Variants in ALMS1 observed in about 807,000 individuals in gnomAD.
The protein encoded by ALMS1 is ALMS1 centrosome and basal body associated protein, also known as centrosome-associated protein ALMS1.
A neutral mutation model predicts 352.2 loss-of-function variants in ALMS1; 271 were observed. The ratio of observed to expected loss-of-function variants is 0.77; its 90% confidence interval spans 0.70 to 0.85. The LOEUF (loss-of-function observed/expected upper bound fraction) is 0.85. Ranked by LOEUF, ALMS1 falls within the 40% of genes least tolerant of loss-of-function variation. The pLI, the probability that ALMS1 is intolerant of heterozygous loss-of-function variation, is 0.00. For missense variants in ALMS1, 5,445 were observed against 4,870.7 expected, an observed-to-expected ratio of 1.12 and a Z score of -3.51; for synonymous variants, 1,865 against 1,761.2, an observed-to-expected ratio of 1.06 and a Z score of -1.48.
intron 11 of ALMS1, among the ~76,000 whole-genome samples, chr2:73,530,922 C>T (rs910545678): frequency 6.6e-6 from 1 of 152,228 alleles, no homozygotes; most frequent in Non-Finnish European, 1.5e-5. Flanking sequence ...GGACACAGGG[C>T]ACCAAGTCCC....
chr2:73,548,266 A>G (rs938672951), intron 12 of ALMS1, among the ~76,000 whole-genome samples: 5 of 152,342 alleles, frequency 3.3e-5, no homozygotes, highest in African/African-American at 1.2e-4. Context: ...AATATTCCAG[A>G]TCTTTAGTTA....
chr2:73,427,050 A>T (rs979605744), intron 6 of ALMS1, among the ~76,000 whole-genome samples: 1 of 152,150 alleles, frequency 6.6e-6, no homozygotes, highest in African/African-American at 2.4e-5. Flanking sequence ...AAGGCATCCC[A>T]TGGGGCTCCA....
In ALMS1 at chr2:73,519,739, A is replaced by T. The variant is rs767182262; in HGVS notation, c.9540-36A>T. On this transcript the variant is annotated intron_variant, in intron 10 of 22. Transcript: ENST00000613296. ...AGATTTCAGTCTCTAATGGCCAAGG[A>T]TATAATCTGCTGTATTCTTTCTCTT... 12 of 1,613,242 alleles carry T rather than the reference A, an allele frequency of 7.4e-6. No homozygotes were observed. In the South Asian group the frequency reaches 9.9e-5, roughly 13 times the overall value.
At chr2:73,510,471 C>G (rs1330871647) in intron 10 of ALMS1, among the ~76,000 whole-genome samples, 1 of 152,210 alleles carries the variant, frequency 6.6e-6, no homozygotes, top group Non-Finnish European at 1.5e-5. Flanking sequence ...AGTCAGGCCC[C>G]TCTGCTGCAG....
intron 6 of ALMS1, among the ~76,000 whole-genome samples, chr2:73,429,124 G>A (rs927939570): frequency 6.6e-6 from 1 of 152,032 alleles, no homozygotes; most frequent in African/African-American, 2.4e-5. Flanking sequence ...ACTATTAAAT[G>A]GGGTAAGTTA....
chr2:73,385,815 C>CCCCTCCCT (rs969372310), upstream of ALMS1: 3 of 679,524 alleles, frequency 4.4e-6, no homozygotes, highest in Admixed American at 6.4e-5. Context: ...CTCTCCCCTT[C>CCCCTCCCT]CCCTCCCTCC....
Position 73,491,285 on chromosome 2 carries a change from A to G in ALMS1, c.9326A>G (p.Gln3109Arg), listed in dbSNP as rs1672980146. The G allele has an allele frequency of 2.5e-6, 4 of 1,614,222 alleles. No individual in the cohort carries two copies. The East Asian group carries it at 8.9e-5, about 36-fold the overall frequency. ...SKLLTSKPVA[Q>R]DQESLGFLGP... ...TTATTGACCAGTAAACCTGTAGCAC[A>G]GGATCAAGAATCTTTAGGTTTTCTA... Residue 3109 changes from glutamine to arginine, a missense_variant, in exon 10 of 23, where the codon CAG (glutamine) becomes CGG (arginine). Coordinates refer to ENST00000613296, the MANE Select transcript of ALMS1 (RefSeq NM_001378454.1).
At chr2:73,574,138 G>A (rs1675003375) in intron 16 of ALMS1, among the ~76,000 whole-genome samples, 1 of 152,082 alleles carries the variant, frequency 6.6e-6, no homozygotes, top group African/African-American at 2.4e-5. Flanking sequence ...ACAGATTTCT[G>A]ATAAGAGACC....
intron 9 of ALMS1, among the ~76,000 whole-genome samples, chr2:73,472,616 AG>A (rs1012147018): frequency 7.2e-5 from 11 of 152,202 alleles, no homozygotes; most frequent in African/African-American, 2.6e-4. Flanking sequence ...ATTAAAAACC[AG>A]GAAAAGTAGG....
intron 4 of ALMS1, 72 bp downstream of exon 4, chr2:73,423,046 G>A: frequency 7.4e-7 from 1 of 1,344,046 alleles, no homozygotes; most frequent in Non-Finnish European, 1.1e-6. Flanking sequence ...AGTGACTTCA[G>A]GCTAAGGTGG....
intron 15 of ALMS1, among the ~76,000 whole-genome samples, chr2:73,561,769 T>C (rs201500288): frequency 8.6e-5 from 13 of 151,582 alleles, no homozygotes; most frequent in Admixed American, 4.6e-4. Flanking sequence ...TGAAGAAATA[T>C]AACATTGCAA....
intron 9 of ALMS1, among the ~76,000 whole-genome samples, chr2:73,484,370 A>T: frequency 6.6e-6 from 1 of 150,728 alleles, no homozygotes; most frequent in African/African-American, 2.4e-5. Flanking sequence ...TGGGTTGAAA[A>T]TTCTTTTCTT....
Position 73,572,668 on chromosome 2 carries a change from T to A in ALMS1, c.10791T>A (p.Ser3597Arg). The A allele has an allele frequency of 6.2e-7, 1 of 1,613,848 alleles. No homozygotes were observed. Among genetic ancestry groups the A allele is most frequent in the Non-Finnish European group, 8.5e-7 (1 of 1,179,956 alleles). Residue 3597 changes from serine (S) to arginine (R), a missense_variant, in exon 16 of 23, where the codon AGT becomes AGA. By Grantham distance (110) the Ser-to-Arg change is moderately radical. Coordinates refer to ENST00000613296, the MANE Select transcript of ALMS1 (RefSeq NM_001378454.1). ...AGCAAACAACTCAGCACACTGTGAGTTTGAATGAACTGTGGAACAAGTATC... is the reference window on the plus strand; with the variant it reads ...AGCAAACAACTCAGCACACTGTGAGATTGAATGAACTGTGGAACAAGTATC... Reference protein sequence around the residue: ...TPEQTTQHTVSLNELWNKYRE... With the variant: ...TPEQTTQHTVRLNELWNKYRE...
rs1419026237 is a variant in ALMS1, at chr2:73,602,160, A to G, written c.12115-25A>G. 3 of 1,603,504 alleles carry G rather than the reference A, an allele frequency of 1.9e-6. No individual in the cohort carries two copies. In the South Asian group the frequency reaches 3.3e-5, roughly 18 times the overall value. On this transcript the variant is annotated intron_variant, in intron 19 of 22. Transcript: ENST00000613296. The stretch of plus-strand genomic sequence containing the variant: ...TTGCATCATTAATCTGAGGCTGGGC[A>G]TTTTCTCTTTTTTTTTTCTTTTAGG...
chr2:73,554,154 A>G (rs1037881238), intron 13 of ALMS1, among the ~76,000 whole-genome samples: 5 of 152,068 alleles, frequency 3.3e-5, no homozygotes, highest in African/African-American at 1.2e-4. Context: ...TCAAAAAAGT[A>G]AGAAGAAAAA....
chr2:73,601,430 C>T lies in ALMS1; in HGVS notation c.12108C>T (p.Thr4036=), dbSNP rs767174517. The T allele has an allele frequency of 1.9e-6, 3 of 1,614,048 alleles. No individual in the cohort carries two copies. The highest frequency in any genetic ancestry group is 1.7e-5 in the Admixed American group (1 of 60,016). Residue 4036 remains threonine (T), a synonymous_variant, in exon 19 of 23, where the codon ACC becomes ACT. Transcript: ENST00000613296. ...RDLLRPFVRA[T]LQESLQFHRP... ...TACTGAGGCCATTTGTGAGAGCAAC[C>T]CTTCAGGTGCAGTGACGTTGACTTA...
intron 13 of ALMS1, among the ~76,000 whole-genome samples, chr2:73,551,891 C>A (rs1674443288): frequency 6.6e-6 from 1 of 151,970 alleles, no homozygotes; most frequent in Non-Finnish European, 1.5e-5. Context: ...CTTTTTTATT[C>A]CTGTGTATAA....
chr2:73,455,361 T>G, intron 9 of ALMS1, 66 bp downstream of exon 9: 415 of 1,577,060 alleles, frequency 2.6e-4, no homozygotes, highest in Middle Eastern at 3.4e-4. Flanking sequence ...TTAGGATCTC[T>G]TACTTGGGCA....
In ALMS1 at chr2:73,432,264, C is replaced by T; in HGVS notation, c.1405C>T (p.Pro469Ser). ...GTTGAGGATGTCTCCTGACACTGTG[C>T]CAAAGGCTCCTAAACATTTAAAAGC... ...RMLRMSPDTV[P>S]KAPKHLKAGD... The change falls in exon 7 of 23, where the codon CCA (proline) becomes TCA (serine). Residue 469 changes from proline to serine, a missense_variant. Transcript: ENST00000613296. 1 of 1,612,670 alleles carries T rather than the reference C, an allele frequency of 6.2e-7. No individual in the cohort carries two copies. Among genetic ancestry groups the T allele is most frequent in the Non-Finnish European group, 8.5e-7 (1 of 1,178,866 alleles).
Sources: gnomAD v4.1 joint callset for allele counts (sites outside exome capture counted in the v4.1 genomes callset) on GRCh38, gnomAD v4.1.1 for gene constraint, MANE v1.5 for transcripts, NCBI Gene and HGNC (gene_info 2026-07-23, HGNC 2026-07-21) for gene names.